CACNA2D3: variants seen among roughly 807,000 people sequenced by gnomAD.
The protein encoded by CACNA2D3 is calcium voltage-gated channel auxiliary subunit alpha2delta 3.
Under a neutral mutation model 160.6 loss-of-function variants are expected in CACNA2D3, and 60 were observed. That is an observed-to-expected ratio of 0.37 (90% CI 0.30 to 0.46). The LOEUF (loss-of-function observed/expected upper bound fraction) is 0.46. CACNA2D3 is among the 20% of genes least tolerant of loss of function. The pLI, the probability that CACNA2D3 is intolerant of heterozygous loss-of-function variation, is 1.00. For synonymous variants in CACNA2D3, 558 were observed against 492.9 expected (o/e 1.13, Z -1.75); for missense variants, 1,205 against 1,365.0 (o/e 0.88, Z 1.85).
chr3:54,306,629 G>A (rs2107495419), intron 2 of CACNA2D3, among the ~76,000 whole-genome samples: 1 of 152,302 alleles, frequency 6.6e-6, no homozygotes. Context: ...TGAGCCAGGT[G>A]GGCATCTGTC....
chr3:54,983,919 A>G (rs1179908498), intron 29 of CACNA2D3, among the ~76,000 whole-genome samples: 1 of 152,176 alleles, frequency 6.6e-6, no homozygotes, highest in Admixed American at 6.5e-5. Flanking sequence ...TTCACTTGAG[A>G]TTAAAGTAGT....
At chr3:54,999,262 C>G (rs1421091868) in intron 31 of CACNA2D3, among the ~76,000 whole-genome samples, 2 of 152,170 alleles carry the variant, frequency 1.3e-5, no homozygotes, top group Non-Finnish European at 2.9e-5. Context: ...CTCCTATCAA[C>G]AGGTTGAGCC....
chr3:54,261,526 T>C lies in CACNA2D3; in HGVS notation c.205-58916T>C, dbSNP rs373503026. Among the ~76,000 whole-genome samples the C allele has an allele frequency of 3.3e-5, 5 of 152,228 alleles. No individual in the cohort carries two copies. In the East Asian group the frequency reaches 7.7e-4, roughly 23 times the overall value. ...AGGTGTTGGGGATAATCCTGAGGCCTAAACCCCTTATTCTGCCTGGTCTGG... is the reference window on the plus strand; with the variant it reads ...AGGTGTTGGGGATAATCCTGAGGCCCAAACCCCTTATTCTGCCTGGTCTGG... On this transcript the variant is annotated intron_variant, in intron 2 of 37. Coordinates refer to ENST00000474759, the MANE Select transcript of CACNA2D3 (RefSeq NM_018398.3).
chr3:54,343,522 C>T (rs1698402094), intron 3 of CACNA2D3, among the ~76,000 whole-genome samples: 1 of 152,098 alleles, frequency 6.6e-6, no homozygotes, highest in African/African-American at 2.4e-5. Context: ...GAGCTCAAGC[C>T]ACTCTCCTGC....
chr3:54,240,183 G>C (rs897776674), intron 2 of CACNA2D3, among the ~76,000 whole-genome samples: 19 of 152,216 alleles, frequency 1.2e-4, no homozygotes, highest in African/African-American at 4.6e-4. Context: ...CAGGAGAAAA[G>C]AATTCATTGG....
intron 11 of CACNA2D3, among the ~76,000 whole-genome samples, chr3:54,748,474 C>G (rs1701797688): frequency 6.6e-6 from 1 of 152,006 alleles, no homozygotes; most frequent in Non-Finnish European, 1.5e-5. Context: ...AAGTCTACAT[C>G]TTAACATTTT....
chr3:54,468,987 C>T (rs1700681212), intron 4 of CACNA2D3, among the ~76,000 whole-genome samples: 1 of 152,058 alleles, frequency 6.6e-6, no homozygotes, highest in African/African-American at 2.4e-5. Flanking sequence ...GATGGGGTGG[C>T]TGTGGGTACA....
At chr3:54,274,329 T>A (rs540978192) in intron 2 of CACNA2D3, among the ~76,000 whole-genome samples, 1 of 152,134 alleles carries the variant, frequency 6.6e-6, no homozygotes, top group Non-Finnish European at 1.5e-5. Context: ...TTTTCTTCTT[T>A]CTTTCTTTTT....
rs572088142 is a variant in CACNA2D3 at position 54,287,058 on chromosome 3, A to G, written c.205-33384A>G. ...CACCAGCTAACATCATAAGGATAGGATCAAATTCACACATAACAATATTAA... is the reference window on the plus strand; with the variant it reads ...CACCAGCTAACATCATAAGGATAGGGTCAAATTCACACATAACAATATTAA... On this transcript the variant is annotated intron_variant, in intron 2 of 37. Transcript: ENST00000474759. 2.6e-5 allele frequency among the ~76,000 whole-genome samples: 4 copies of G among 152,174 alleles called. No homozygotes were observed. The South Asian group carries it at 6.2e-4, about 24-fold the overall frequency.
chr3:54,558,108 G>A lies in CACNA2D3; in HGVS notation c.545-4692G>A, dbSNP rs75298589. On this transcript the variant is annotated intron_variant, in intron 5 of 37. Coordinates refer to ENST00000474759, the MANE Select transcript of CACNA2D3 (RefSeq NM_018398.3). The stretch of plus-strand genomic sequence containing the variant: ...ACTGGGGCCAATCCTGAGTGCCCTC[G>A]TAAGTGGACCTGACTTATGTGACCA... 1.9e-3 allele frequency among the ~76,000 whole-genome samples: 291 copies of A among 152,294 alleles called. 1 individual carries two copies. Among genetic ancestry groups the A allele is most frequent in the African/African-American group, 6.3e-3 (261 of 41,550 alleles).
chr3:54,610,187 G>T (rs905338906), intron 9 of CACNA2D3, among the ~76,000 whole-genome samples: 1 of 152,080 alleles, frequency 6.6e-6, no homozygotes, highest in African/African-American at 2.4e-5. Context: ...AATTAATTAC[G>T]TTAGTAATGG....
chr3:54,918,618 G>T (rs1700736011), intron 27 of CACNA2D3: 1 of 1,614,094 alleles, frequency 6.2e-7, no homozygotes, highest in Non-Finnish European at 8.5e-7. Flanking sequence ...CACACACAAC[G>T]CCAGTGATGA....
At chr3:54,589,601 A>T (rs1161693777) in intron 9 of CACNA2D3, among the ~76,000 whole-genome samples, 1 of 152,204 alleles carries the variant, frequency 6.6e-6, no homozygotes, top group East Asian at 1.9e-4. Context: ...GACTCTGTTA[A>T]CAGGATGAAA....
chr3:54,860,206 C>G (rs1699261610), intron 17 of CACNA2D3, among the ~76,000 whole-genome samples: 1 of 152,054 alleles, frequency 6.6e-6, no homozygotes, highest in South Asian at 2.1e-4. Flanking sequence ...GAAGTCAGAC[C>G]AAGGGTTTAT....
At chr3:54,282,317 T>C (rs1474881675) in intron 2 of CACNA2D3, among the ~76,000 whole-genome samples, 1 of 152,186 alleles carries the variant, frequency 6.6e-6, no homozygotes, top group South Asian at 2.1e-4. Context: ...AGAGATGCTT[T>C]GGAATTGAAT....
chr3:54,507,472 C>T (rs985011572), intron 5 of CACNA2D3, among the ~76,000 whole-genome samples: 2 of 152,172 alleles, frequency 1.3e-5, no homozygotes, highest in African/African-American at 4.8e-5. Flanking sequence ...CCTTGTGCCC[C>T]CTTTACCCCT....
At chr3:54,819,068 C>A (rs1703526698) in intron 14 of CACNA2D3, among the ~76,000 whole-genome samples, 1 of 151,800 alleles carries the variant, frequency 6.6e-6, no homozygotes, top group Non-Finnish European at 1.5e-5. Flanking sequence ...CCATCCCTTC[C>A]CCAGTATTAC....
chr3:54,487,305 C>G (rs1701029958), intron 4 of CACNA2D3, among the ~76,000 whole-genome samples: 1 of 152,152 alleles, frequency 6.6e-6, no homozygotes, highest in African/African-American at 2.4e-5. Context: ...GAGGTTGAGG[C>G]TGTGGTGGAC....
At chr3:54,598,599 C>G (rs1405961850) in intron 9 of CACNA2D3, among the ~76,000 whole-genome samples, 1 of 152,144 alleles carries the variant, frequency 6.6e-6, no homozygotes, top group African/African-American at 2.4e-5. Flanking sequence ...CCCAGGACAT[C>G]TCTCCCAGGA....
Sources: gnomAD v4.1 joint callset for allele counts (sites outside exome capture counted in the v4.1 genomes callset) on GRCh38, gnomAD v4.1.1 for gene constraint, MANE v1.5 for transcripts, NCBI Gene and HGNC (gene_info 2026-07-23, HGNC 2026-07-21) for gene names.